TENM2: variants seen among roughly 807,000 people sequenced by gnomAD.
TENM2 encodes the protein teneurin-2.
A neutral mutation model predicts 245.2 loss-of-function variants in TENM2; 52 were observed. That is an observed-to-expected ratio of 0.21 (90% CI 0.17 to 0.27). The LOEUF (loss-of-function observed/expected upper bound fraction) is 0.27. TENM2 is among the 10% of genes least tolerant of loss of function. The pLI, the probability that TENM2 is intolerant of heterozygous loss-of-function variation, is 1.00. For synonymous variants in TENM2, 1,363 were observed against 1,438.9 expected (o/e 0.95, Z 1.19); for missense variants, 3,046 against 3,666.8 (o/e 0.83, Z 4.37).
chr5:167,231,855 G>A, the TENM2 span, among the ~76,000 whole-genome samples: 1 of 151,564 alleles, frequency 6.6e-6, no homozygotes, highest in African/African-American at 2.4e-5. Context: ...GGAGGCCTAG[G>A]AGGAAACCAT....
chr5:168,209,342 G>C (rs772928366), intron 19 of TENM2, among the ~76,000 whole-genome samples: 1 of 152,190 alleles, frequency 6.6e-6, no homozygotes, highest in Non-Finnish European at 1.5e-5. Context: ...TTGTATTAGT[G>C]AAATATGAAT....
chr5:168,161,631 C>T (rs946533172), intron 12 of TENM2, among the ~76,000 whole-genome samples: 1 of 152,124 alleles, frequency 6.6e-6, no homozygotes, highest in African/African-American at 2.4e-5. Context: ...TAAAGAGTCA[C>T]GGAGGCTCTG....
chr5:167,997,088 C>T (rs1012910924), intron 5 of TENM2, among the ~76,000 whole-genome samples: 3 of 152,126 alleles, frequency 2.0e-5, no homozygotes, highest in Non-Finnish European at 2.9e-5. Context: ...TATCCCCAGT[C>T]GTCAACCAAC....
chr5:167,392,307 C>T (rs1761805377), intron 2 of TENM2, among the ~76,000 whole-genome samples: 1 of 152,136 alleles, frequency 6.6e-6, no homozygotes, highest in South Asian at 2.1e-4. Context: ...GTCCACGTAG[C>T]TGGTTAAATG....
chr5:167,662,625 G>A (rs1755288037), intron 2 of TENM2, among the ~76,000 whole-genome samples: 1 of 152,176 alleles, frequency 6.6e-6, no homozygotes, highest in African/African-American at 2.4e-5. Context: ...CCATGAAAAT[G>A]AAACTTATTA....
chr5:168,107,998 T>G (rs776110436), intron 9 of TENM2, among the ~76,000 whole-genome samples: 3 of 152,240 alleles, frequency 2.0e-5, no homozygotes, highest in African/African-American at 4.8e-5. Flanking sequence ...TCCCTGTATT[T>G]AGTTTGGTAC....
the TENM2 span, among the ~76,000 whole-genome samples, chr5:167,002,774 A>G: frequency 3.3e-5 from 5 of 152,070 alleles, no homozygotes; most frequent in African/African-American, 1.2e-4. Context: ...CTCTGTCTGT[A>G]AATAATAATA....
At chr5:168,131,556 G>A (rs1486065761) in intron 12 of TENM2, among the ~76,000 whole-genome samples, 2 of 152,240 alleles carry the variant, frequency 1.3e-5, no homozygotes, top group South Asian at 2.1e-4. Flanking sequence ...GCGATGATCC[G>A]ATGTGCTGAT....
chr5:168,261,954 T>C, intron 28 of TENM2, 95 bp from the exon 31 acceptor site: 1 of 1,251,282 alleles, frequency 8.0e-7, no homozygotes, highest in Non-Finnish European at 1.1e-6. Flanking sequence ...ACACTAGTTC[T>C]TGCAGGAGAG....
chr5:167,117,599 A>C, the TENM2 span, among the ~76,000 whole-genome samples: 18 of 152,298 alleles, frequency 1.2e-4, no homozygotes, highest in Admixed American at 2.6e-4. Flanking sequence ...GGAAATTAGA[A>C]AGGATGGATA....
chr5:167,916,543 C>G (rs1776951854), intron 3 of TENM2, among the ~76,000 whole-genome samples: 1 of 152,102 alleles, frequency 6.6e-6, no homozygotes, highest in South Asian at 2.1e-4. Context: ...GTGTGTTATA[C>G]TCTTAGCAAC....
At chr5:168,017,243 G>A (rs1785735679) in intron 5 of TENM2, among the ~76,000 whole-genome samples, 1 of 152,206 alleles carries the variant, frequency 6.6e-6, no homozygotes, top group Non-Finnish European at 1.5e-5. Context: ...ACCCAGGTTT[G>A]AATTTGGATA....
chr5:167,826,775 G>A (rs1055343842), intron 2 of TENM2, among the ~76,000 whole-genome samples: 4 of 152,148 alleles, frequency 2.6e-5, no homozygotes, highest in South Asian at 2.1e-4. Flanking sequence ...TGGTAAAGGC[G>A]GATAGTCAAG....
intron 2 of TENM2, among the ~76,000 whole-genome samples, chr5:167,848,489 A>G (rs1770261955): frequency 1.3e-5 from 2 of 152,220 alleles, no homozygotes; most frequent in African/African-American, 4.8e-5. Flanking sequence ...ATCTTCATAT[A>G]TACACACACA....
chr5:167,702,312 A>C (rs1160934022), intron 2 of TENM2, among the ~76,000 whole-genome samples: 1 of 152,072 alleles, frequency 6.6e-6, no homozygotes, highest in Admixed American at 6.5e-5. Flanking sequence ...GTAATGAAGG[A>C]TAGAGCTGCT....
At chr5:167,148,377 G>A in the TENM2 span, among the ~76,000 whole-genome samples, 4 of 152,134 alleles carry the variant, frequency 2.6e-5, no homozygotes, top group African/African-American at 9.7e-5. Flanking sequence ...TGAAATATTA[G>A]ATAACTTGAG....
intron 2 of TENM2, among the ~76,000 whole-genome samples, chr5:167,516,150 A>C (rs1582263630): frequency 1.3e-5 from 2 of 152,122 alleles, no homozygotes; most frequent in East Asian, 3.9e-4. Flanking sequence ...GGACAATCGA[A>C]TATAATCTAT....
chr5:168,088,958 A>G (rs1792694191), intron 7 of TENM2, among the ~76,000 whole-genome samples: 1 of 152,210 alleles, frequency 6.6e-6, no homozygotes, highest in African/African-American at 2.4e-5. Context: ...TGGAAGGGAA[A>G]GTGGAGAGAT....
the TENM2 span, among the ~76,000 whole-genome samples, chr5:167,095,583 TA>T: frequency 6.6e-6 from 1 of 152,306 alleles, no homozygotes; most frequent in Non-Finnish European, 1.5e-5. Flanking sequence ...TCTGAGTTTT[TA>T]TTTTCTATGT....
Sources: gnomAD v4.1 joint callset for allele counts (sites outside exome capture counted in the v4.1 genomes callset) on GRCh38, gnomAD v4.1.1 for gene constraint, MANE v1.5 for transcripts, NCBI Gene and HGNC (gene_info 2026-07-23, HGNC 2026-07-21) for gene names.